The following RCAN2 variants were observed in gnomAD, a reference collection of about 807,000 sequenced individuals.
RCAN2 encodes the protein calcipressin-2.
A neutral mutation model predicts 23.6 loss-of-function variants in RCAN2; 9 were observed. The ratio of observed to expected loss-of-function variants is 0.38; its 90% CI spans 0.23 to 0.67. The LOEUF is 0.67. RCAN2 is among the 30% of genes least tolerant of loss of function. The pLI is 0.51. For missense variants in RCAN2, 273 were observed against 302.3 expected (o/e 0.90, Z 0.72); for synonymous variants, 109 against 115.7 (o/e 0.94, Z 0.37).
chr6:46,434,513 C>T (rs986960807), intron 2 of RCAN2, among the ~76,000 whole-genome samples: 1 of 152,130 alleles, frequency 6.6e-6, no homozygotes, highest in Admixed American at 6.5e-5. Context: ...CCCAAAGCAG[C>T]TCATAAAGAG....
At chr6:46,429,717 C>T (rs908622009) in intron 2 of RCAN2, among the ~76,000 whole-genome samples, 7 of 151,874 alleles carry the variant, frequency 4.6e-5, no homozygotes, top group Non-Finnish European at 8.8e-5. Flanking sequence ...ACCCTAGGGT[C>T]TAATGTGAAG....
chr6:46,312,242 T>A (rs1413647970), intron 2 of RCAN2, among the ~76,000 whole-genome samples: 2 of 152,202 alleles, frequency 1.3e-5, no homozygotes, highest in Non-Finnish European at 2.9e-5. Flanking sequence ...TGGTATATGG[T>A]CAACTTCGGG....
At chr6:46,237,194 C>T (rs779444003) in intron 4 of RCAN2, among the ~76,000 whole-genome samples, 1 of 152,194 alleles carries the variant, frequency 6.6e-6, no homozygotes, top group African/African-American at 2.4e-5. Flanking sequence ...TATTTGTTCT[C>T]TAGCTAAAGA....
chr6:46,245,244 ATGTGAT>A (rs1766473529), intron 4 of RCAN2, among the ~76,000 whole-genome samples: 1 of 152,206 alleles, frequency 6.6e-6, no homozygotes, highest in African/African-American at 2.4e-5. Flanking sequence ...AAGCTGAGTG[ATGTGAT>A]GGTGATTACA....
chr6:46,414,636 GA>G (rs1372040005), intron 2 of RCAN2, among the ~76,000 whole-genome samples: 1 of 152,194 alleles, frequency 6.6e-6, no homozygotes, highest in Non-Finnish European at 1.5e-5. Flanking sequence ...CCTTAATAGA[GA>G]AAAGACTAAC....
chr6:46,470,752 G>C (rs1039252585), intron 1 of RCAN2, among the ~76,000 whole-genome samples: 4 of 152,264 alleles, frequency 2.6e-5, no homozygotes, highest in East Asian at 1.9e-4. Context: ...TAGTAAATAT[G>C]AAACACTTAA....
intron 2 of RCAN2, among the ~76,000 whole-genome samples, chr6:46,332,134 G>GT (rs1045115599): frequency 2.0e-5 from 3 of 152,072 alleles, no homozygotes; most frequent in African/African-American, 7.2e-5. Flanking sequence ...CCTAATGATT[G>GT]TTTTTCTCTT....
rs569115836 is a variant in RCAN2 at position 46,346,946 on chromosome 6, G to A, written c.226-98050C>T. On this transcript the variant is annotated intron_variant, in intron 2 of 4. Transcript: ENST00000371374. The stretch of plus-strand genomic sequence containing the variant: ...GCTGGAGTGCAGTGGCGTGATCTCC[G>A]CTCACTGCAAGCTCCGCCTCCCAGG... 7.2e-4 allele frequency among the ~76,000 whole-genome samples: 109 copies of A among 152,064 alleles called. No homozygotes were observed. The South Asian group carries it at 0.02, about 27-fold the overall frequency.
At chr6:46,291,236 T>G (rs558559012) in intron 2 of RCAN2, among the ~76,000 whole-genome samples, 3 of 151,870 alleles carry the variant, frequency 2.0e-5, no homozygotes, top group Admixed American at 1.3e-4. Flanking sequence ...GAAAAAAAGC[T>G]GAATCCAGCT....
chr6:46,451,668 C>T (rs943150494), intron 2 of RCAN2, among the ~76,000 whole-genome samples: 4 of 152,082 alleles, frequency 2.6e-5, no homozygotes, highest in African/African-American at 9.7e-5. Flanking sequence ...ACTAGCTCAG[C>T]GTTTAGTCAG....
intron 2 of RCAN2, among the ~76,000 whole-genome samples, chr6:46,398,985 A>T (rs1454682031): frequency 3.3e-5 from 5 of 151,762 alleles, no homozygotes; most frequent in African/African-American, 1.2e-4. Context: ...GTTTTGTGTT[A>T]TACTTATTTA....
chr6:46,306,018 C>G (rs1004375171), intron 2 of RCAN2, among the ~76,000 whole-genome samples: 1 of 151,816 alleles, frequency 6.6e-6, no homozygotes, highest in Non-Finnish European at 1.5e-5. Flanking sequence ...AAGAGAGAAC[C>G]TTTATAGGCA....
intron 1 of RCAN2, among the ~76,000 whole-genome samples, chr6:46,487,981 A>C (rs1769042099): frequency 6.6e-6 from 1 of 152,240 alleles, no homozygotes; most frequent in African/African-American, 2.4e-5. Flanking sequence ...ATGAATATAC[A>C]GATTTAAAAT....
At chr6:46,424,885 T>C (rs1320137828) in intron 2 of RCAN2, among the ~76,000 whole-genome samples, 1 of 152,180 alleles carries the variant, frequency 6.6e-6, no homozygotes, top group Non-Finnish European at 1.5e-5. Context: ...AAATGCATAT[T>C]GGGGGCGTGC....
chr6:46,402,235 T>TTG (rs151112476), intron 2 of RCAN2, among the ~76,000 whole-genome samples: 2,596 of 151,722 alleles, frequency 0.017, 51 homozygotes, highest in South Asian at 0.12. Context: ...GTGTAAAAAT[T>TTG]TGTGTGTGTG....
intron 2 of RCAN2, among the ~76,000 whole-genome samples, chr6:46,331,942 G>A (rs537073977): frequency 1.3e-5 from 2 of 152,206 alleles, no homozygotes; most frequent in Admixed American, 6.5e-5. Flanking sequence ...CCACACTATA[G>A]GCACAACAGC....
At chr6:46,298,312 A>G (rs1762783899) in intron 2 of RCAN2, among the ~76,000 whole-genome samples, 1 of 152,110 alleles carries the variant, frequency 6.6e-6, no homozygotes, top group Admixed American at 6.6e-5. Context: ...GTGAGGTCAT[A>G]GATGTCACTC....
At chr6:46,395,724 G>A (rs1241127638) in intron 2 of RCAN2, among the ~76,000 whole-genome samples, 1 of 152,148 alleles carries the variant, frequency 6.6e-6, no homozygotes, top group African/African-American at 2.4e-5. Context: ...TACTCCACAG[G>A]TTGTAAGGTC....
intron 4 of RCAN2, among the ~76,000 whole-genome samples, chr6:46,243,649 A>G (rs1396085533): frequency 6.6e-6 from 1 of 151,924 alleles, no homozygotes; most frequent in Non-Finnish European, 1.5e-5. Context: ...TCTGTACTAA[A>G]AAATATAAAA....
Sources: allele counts gnomAD v4.1 joint callset (sites outside exome capture counted in the v4.1 genomes callset), GRCh38; gene constraint gnomAD v4.1.1; transcripts MANE v1.5; gene names NCBI Gene and HGNC (gene_info 2026-07-23, HGNC 2026-07-21).